The following MAGI2 variants were observed in gnomAD, a reference collection of about 807,000 sequenced individuals.
MAGI2 encodes the protein membrane-associated guanylate kinase, WW and PDZ domain-containing protein 2.
Under a neutral mutation model 133.3 loss-of-function variants are expected in MAGI2, and 35 were observed. The ratio of observed to expected loss-of-function variants is 0.26; its 90% CI spans 0.20 to 0.35. The LOEUF (loss-of-function observed/expected upper bound fraction) is 0.35, where lower values mean the gene tolerates loss of function less well. MAGI2 is among the 10% of genes least tolerant of loss of function. The probability of loss-of-function intolerance (pLI) is 1.00; values close to 1 mark genes in which losing one functional copy is unlikely to be tolerated. For missense variants in MAGI2, 1,636 were observed against 1,863.4 expected (o/e 0.88, Z 2.25); for synonymous variants, 729 against 710.6 (o/e 1.03, Z -0.41).
At chr7:79,138,130 C>T (rs192457160) in intron 1 of MAGI2, among the ~76,000 whole-genome samples, 4 of 152,254 alleles carry the variant, frequency 2.6e-5, no homozygotes, top group African/African-American at 9.6e-5. Context: ...TGATTTTAGC[C>T]CATATGACTC....
intron 2 of MAGI2, among the ~76,000 whole-genome samples, chr7:78,998,313 T>G (rs1382773365): frequency 6.6e-6 from 1 of 152,122 alleles, no homozygotes; most frequent in Non-Finnish European, 1.5e-5. Context: ...TAAGCCAATT[T>G]GATGAGTTGA....
chr7:78,772,787 T>C (rs1447361108), intron 2 of MAGI2, among the ~76,000 whole-genome samples: 1 of 152,188 alleles, frequency 6.6e-6, no homozygotes, highest in Non-Finnish European at 1.5e-5. Flanking sequence ...CACCAAAACA[T>C]TGGACAATAA....
Position 79,099,970 on chromosome 7 carries a change from A to G in MAGI2, c.302-92764T>C, listed in dbSNP as rs568668925. Among the ~76,000 whole-genome samples, 3 of 152,302 alleles carry G rather than the reference A, an allele frequency of 2.0e-5. No homozygotes were observed. In the South Asian group the frequency reaches 6.2e-4, roughly 32 times the overall value. ...AATAATTGTGTATATGTCCTTCTAC[A>G]CTTTTCTCTTTGCATATATGTGTGT... On this transcript the variant is annotated intron_variant, in intron 1 of 21. Coordinates refer to ENST00000354212, the MANE Select transcript of MAGI2 (RefSeq NM_012301.4).
intron 6 of MAGI2, among the ~76,000 whole-genome samples, chr7:78,458,755 C>T (rs532204478): frequency 5.3e-4 from 80 of 152,090 alleles, no homozygotes; most frequent in Non-Finnish European, 1.0e-3. Flanking sequence ...CTGCTTCAGC[C>T]TCCCGAGTAG....
At chr7:78,679,940 A>G (rs1815471713) in intron 2 of MAGI2, among the ~76,000 whole-genome samples, 1 of 152,210 alleles carries the variant, frequency 6.6e-6, no homozygotes, top group Non-Finnish European at 1.5e-5. Context: ...GCAACCAGTG[A>G]GAAAATCAGT....
In MAGI2 at chr7:79,223,976, C is replaced by T. The variant is rs184162494; in HGVS notation, c.302-216770G>A. ...AAATCTATTTAGCCTAAACCATGATCATTGGGAGTGGGCTATTTAATTCTT... is the reference window on the plus strand; with the variant it reads ...AAATCTATTTAGCCTAAACCATGATTATTGGGAGTGGGCTATTTAATTCTT... On this transcript the variant is annotated intron_variant, in intron 1 of 21. Transcript: ENST00000354212. Among the ~76,000 whole-genome samples, 5 of 152,170 alleles carry T rather than the reference C, an allele frequency of 3.3e-5. 1 individual carries two copies. Among genetic ancestry groups the T allele is most frequent in the East Asian group, 1.9e-4 (1 of 5,174 alleles).
chr7:79,130,663 G>T (rs781032768), intron 1 of MAGI2, among the ~76,000 whole-genome samples: 66 of 152,136 alleles, frequency 4.3e-4, no homozygotes, highest in Non-Finnish European at 7.6e-4. Context: ...TTGTGGTGAG[G>T]ATTAAATGAG....
intron 3 of MAGI2, among the ~76,000 whole-genome samples, chr7:78,572,658 A>AT (rs1048308946): frequency 2.6e-5 from 4 of 151,586 alleles, no homozygotes; most frequent in African/African-American, 9.7e-5. Flanking sequence ...TTACTTTTAT[A>AT]TTTATTTATT....
At chr7:78,360,665 T>A (rs1792680237) in intron 7 of MAGI2, among the ~76,000 whole-genome samples, 1 of 152,174 alleles carries the variant, frequency 6.6e-6, no homozygotes, top group Non-Finnish European at 1.5e-5. Flanking sequence ...GCTAGCAGTG[T>A]TTTCTGGGTT....
chr7:79,256,486 CTTTTT>C (rs11303181), intron 1 of MAGI2, among the ~76,000 whole-genome samples: 3 of 82,772 alleles, frequency 3.6e-5, no homozygotes, highest in South Asian at 4.8e-4. Context: ...CTCTCTCTCT[CTTTTT>C]TTTTTTTTTT....
intron 1 of MAGI2, among the ~76,000 whole-genome samples, chr7:79,071,112 C>G (rs1474744140): frequency 6.6e-6 from 1 of 152,116 alleles, no homozygotes; most frequent in Non-Finnish European, 1.5e-5. Flanking sequence ...ATGTTGGTGA[C>G]CTTTGGATGG....
intron 9 of MAGI2, among the ~76,000 whole-genome samples, chr7:78,296,928 C>T (rs1797307265): frequency 4.6e-5 from 7 of 152,096 alleles, no homozygotes; most frequent in Admixed American, 4.6e-4. Context: ...TTACACAGGG[C>T]AGTTGAGGAG....
chr7:78,675,875 C>A (rs950023528), intron 2 of MAGI2, among the ~76,000 whole-genome samples: 1 of 151,996 alleles, frequency 6.6e-6, no homozygotes, highest in Non-Finnish European at 1.5e-5. Flanking sequence ...AGGATGTGTC[C>A]AAAACTCAAC....
intron 9 of MAGI2, among the ~76,000 whole-genome samples, chr7:78,291,147 G>GT (rs1425657360): frequency 6.6e-6 from 1 of 152,158 alleles, no homozygotes; most frequent in Non-Finnish European, 1.5e-5. Context: ...ATGGGAGCTG[G>GT]TTTTTTGAAA....
intron 6 of MAGI2, among the ~76,000 whole-genome samples, chr7:78,460,763 T>A (rs996074381): frequency 6.6e-6 from 1 of 152,202 alleles, no homozygotes; most frequent in African/African-American, 2.4e-5. Context: ...GAAAATGCTA[T>A]ATAACCTGCA....
intron 2 of MAGI2, among the ~76,000 whole-genome samples, chr7:78,933,365 A>G (rs930255045): frequency 2.0e-5 from 3 of 152,200 alleles, no homozygotes; most frequent in Non-Finnish European, 4.4e-5. Context: ...GAACAGAGGC[A>G]TGGAAGATTT....
At chr7:78,441,789 C>G (rs1258831711) in intron 6 of MAGI2, among the ~76,000 whole-genome samples, 6 of 152,150 alleles carry the variant, frequency 3.9e-5, no homozygotes, top group Non-Finnish European at 8.8e-5. Flanking sequence ...AGGAAGTACT[C>G]CCACTACAGG....
intron 5 of MAGI2, among the ~76,000 whole-genome samples, chr7:78,500,668 C>T (rs1005637712): frequency 6.6e-6 from 1 of 152,184 alleles, no homozygotes; most frequent in African/African-American, 2.4e-5. Flanking sequence ...ATTTGCACTA[C>T]AGTTTCCTTA....
At chr7:78,388,217 CAATA>C (rs1456060422) in intron 6 of MAGI2, among the ~76,000 whole-genome samples, 1 of 151,966 alleles carries the variant, frequency 6.6e-6, no homozygotes, top group African/African-American at 2.4e-5. Flanking sequence ...GCTTGGCACT[CAATA>C]AAGAGTAGGT....
Sources: allele counts gnomAD v4.1 joint callset (sites outside exome capture counted in the v4.1 genomes callset), GRCh38; gene constraint gnomAD v4.1.1; transcripts MANE v1.5; gene names NCBI Gene and HGNC (gene_info 2026-07-23, HGNC 2026-07-21).